MMS22L: variants seen among roughly 807,000 people sequenced by gnomAD.
MMS22L encodes the protein protein MMS22-like.
A neutral mutation model predicts 159.1 loss-of-function variants in MMS22L; 74 were observed. The observed-to-expected ratio is 0.47, with a 90% CI of 0.39 to 0.56. The LOEUF (loss-of-function observed/expected upper bound fraction) is 0.56. Ranked by LOEUF, MMS22L falls within the 20% of genes least tolerant of loss-of-function variation. The pLI, the probability that MMS22L is intolerant of heterozygous loss-of-function variation, is 0.00. For missense variants in MMS22L, 1,351 were observed against 1,422.1 expected (o/e 0.95, Z 0.80); for synonymous variants, 517 against 506.9 (o/e 1.02, Z -0.27).
chr6:97,213,121 T>C (rs976086114), intron 14 of MMS22L, among the ~76,000 whole-genome samples: 1 of 152,018 alleles, frequency 6.6e-6, no homozygotes, highest in Non-Finnish European at 1.5e-5. Flanking sequence ...GAAAATGAGG[T>C]TGCAGCCAGG....
At chr6:97,254,423 C>T (rs940655985) in intron 10 of MMS22L, 134 bp downstream of exon 10, 20 of 637,742 alleles carry the variant, frequency 3.1e-5, no homozygotes, top group Admixed American at 7.5e-5. Flanking sequence ...TTTACAGAAA[C>T]ATTATACATA....
chr6:97,178,333 G>T, intron 18 of MMS22L, 110 bp downstream of exon 18: 1 of 821,058 alleles, frequency 1.2e-6, no homozygotes, highest in Non-Finnish European at 1.8e-6. Context: ...TCAATAATAT[G>T]ATTCAATTTA....
At chr6:97,175,427 C>T (rs985003176) in intron 18 of MMS22L, among the ~76,000 whole-genome samples, 1 of 152,100 alleles carries the variant, frequency 6.6e-6, no homozygotes, top group African/African-American at 2.4e-5. Context: ...TGCTATTATA[C>T]CAAAACTTGA....
chr6:97,265,351 C>G (rs562308156), intron 8 of MMS22L: 1 of 152,036 alleles, frequency 6.6e-6, no homozygotes, highest in East Asian at 1.9e-4. Context: ...GAAAAATCAA[C>G]TCAAAATAAA....
chr6:97,185,068 T>C (rs1805088271), intron 15 of MMS22L, among the ~76,000 whole-genome samples: 1 of 152,110 alleles, frequency 6.6e-6, no homozygotes, highest in African/African-American at 2.4e-5. Flanking sequence ...CTCATCTCCT[T>C]CAGTTCTTTG....
At chr6:97,231,232 T>C (rs889946489) in intron 13 of MMS22L, 194 bp downstream of exon 13, 12 of 542,340 alleles carry the variant, frequency 2.2e-5, no homozygotes, top group Admixed American at 2.2e-4. Flanking sequence ...TTTTATATGT[T>C]GAAACTATTA....
chr6:97,174,266 A>T (rs1027903768), intron 18 of MMS22L, among the ~76,000 whole-genome samples: 15 of 151,000 alleles, frequency 9.9e-5, no homozygotes, highest in Admixed American at 2.6e-4. Flanking sequence ...AAAATAAAAA[A>T]AAAAAAAAAA....
chr6:97,275,311 G>A (rs962056238), intron 4 of MMS22L, among the ~76,000 whole-genome samples: 2 of 151,776 alleles, frequency 1.3e-5, no homozygotes, highest in South Asian at 2.1e-4. Context: ...GGCGAATCAC[G>A]AGGTCAGGAG....
chr6:97,263,662 T>TA (rs1010764622), intron 8 of MMS22L: 106 of 362,486 alleles, frequency 2.9e-4, no homozygotes, highest in East Asian at 3.4e-4. Flanking sequence ...GATTTCAACT[T>TA]AAAAAAAAAT....
chr6:97,245,627 G>T (rs1056153088), intron 11 of MMS22L, among the ~76,000 whole-genome samples: 1 of 151,810 alleles, frequency 6.6e-6, no homozygotes, highest in African/African-American at 2.4e-5. Context: ...ACTTTTACAG[G>T]GATTATGGGA....
Position 97,246,687 on chromosome 6 carries a change from T to G in MMS22L, c.1123A>C (p.Lys375Gln), listed in dbSNP as rs757343650. The G allele has an allele frequency of 6.3e-7, 1 of 1,588,376 alleles. No homozygotes were observed. Among genetic ancestry groups the G allele is most frequent in the Non-Finnish European group, 8.5e-7 (1 of 1,170,726 alleles). ...DRHGVPDEMR[K>Q]VESNWNFVEE... ...ACAAAGTTCCAATTTGATTCCACTT[T>G]TCTCTAGAAAGGGAGAAAATAGTGC... The change falls in exon 11 of 25, where the codon AAA becomes CAA. Residue 375 changes from lysine to glutamine, a missense_variant. Physicochemically the swap from Lys to Gln is moderately conservative, Grantham distance 53. Transcript: ENST00000683635.
intron 9 of MMS22L, chr6:97,259,152 A>T (rs970425337): frequency 6.6e-6 from 1 of 152,208 alleles, no homozygotes; most frequent in Non-Finnish European, 1.5e-5. Context: ...TTTCTTATAC[A>T]AAAGGTAACA....
At chr6:97,186,196 A>T (rs1805208033) in intron 15 of MMS22L, among the ~76,000 whole-genome samples, 1 of 152,158 alleles carries the variant, frequency 6.6e-6, no homozygotes, top group African/African-American at 2.4e-5. Context: ...TTTGAAAATA[A>T]ACTACTTGAA....
chr6:97,255,043 A>G (rs563513348), intron 9 of MMS22L, among the ~76,000 whole-genome samples: 1 of 151,876 alleles, frequency 6.6e-6, no homozygotes, highest in African/African-American at 2.4e-5. Flanking sequence ...GTGTGGCTTC[A>G]TCTGTATTTT....
intron 16 of MMS22L, among the ~76,000 whole-genome samples, chr6:97,181,548 G>A (rs999805259): frequency 1.3e-5 from 2 of 152,100 alleles, no homozygotes; most frequent in African/African-American, 4.8e-5. Flanking sequence ...TCATTAAAAC[G>A]AAGACTGTAA....
intron 8 of MMS22L, 174 bp downstream of exon 8, chr6:97,267,694 CCTCT>C (rs369558192): frequency 4.2e-4 from 183 of 436,704 alleles, no homozygotes; most frequent in African/African-American, 3.5e-3. Flanking sequence ...CCAATTCCAG[CCTCT>C]TTTAGATGTT....
chr6:97,255,996 C>G (rs1305034327), intron 9 of MMS22L, among the ~76,000 whole-genome samples: 1 of 151,938 alleles, frequency 6.6e-6, no homozygotes, highest in Non-Finnish European at 1.5e-5. Flanking sequence ...TAGAATATAT[C>G]CTGACAATAT....
chr6:97,263,694 T>C (rs1381590952), intron 8 of MMS22L: 6 of 279,056 alleles, frequency 2.2e-5, no homozygotes, highest in African/African-American at 4.5e-5. Flanking sequence ...AGTGCCGTGG[T>C]CAGCAAACTT....
chr6:97,281,230 G>T lies in MMS22L; in HGVS notation c.290+7C>A. The T allele has an allele frequency of 1.3e-6, 2 of 1,599,316 alleles. No homozygotes were observed. Among genetic ancestry groups the T allele is most frequent in the Non-Finnish European group, 1.7e-6 (2 of 1,176,070 alleles). ...TACACTCACAGAAAGTTATAACGAA[G>T]AAATACCTGAATAAATGAAAGAGTT... On this transcript the variant is annotated splice_region_variant and intron_variant, in intron 3 of 24. Transcript: ENST00000683635.
Sources: allele counts gnomAD v4.1 joint callset (sites outside exome capture counted in the v4.1 genomes callset), GRCh38; gene constraint gnomAD v4.1.1; transcripts MANE v1.5; gene names NCBI Gene and HGNC (gene_info 2026-07-23, HGNC 2026-07-21).